Variants in SPATA13 observed in about 807,000 individuals in gnomAD.
SPATA13 encodes spermatogenesis-associated protein 13.
A neutral mutation model predicts 104.0 loss-of-function variants in SPATA13; 50 were observed. The observed-to-expected ratio is 0.48, with a 90% CI of 0.38 to 0.61. SPATA13 has a LOEUF of 0.61. Ranked by LOEUF, SPATA13 falls within the 20% of genes least tolerant of loss-of-function variation. SPATA13 has a pLI of 0.00. For missense variants in SPATA13, 1,524 were observed against 1,690.6 expected (o/e 0.90, Z 1.73); for synonymous variants, 606 against 667.5 (o/e 0.91, Z 1.42).
intron 3 of SPATA13, chr13:24,123,066 A>T: frequency 1.1e-6 from 1 of 951,378 alleles, no homozygotes. Context: ...TGTCATTTCT[A>T]CTGCAATAGG....
chr13:24,084,855 C>T (rs1376729734), intron 3 of SPATA13, among the ~76,000 whole-genome samples: 1 of 151,992 alleles, frequency 6.6e-6, no homozygotes, highest in African/African-American at 2.4e-5. Flanking sequence ...GACCCGGTCT[C>T]TACAAAAATA....
chr13:24,297,653 T>C lies in SPATA13; in HGVS notation c.3501T>C (p.Cys1167=), dbSNP rs764966136. 8 of 1,614,086 alleles carry C rather than the reference T, an allele frequency of 5.0e-6. No homozygotes were observed. In the East Asian group the frequency reaches 1.8e-4, roughly 36 times the overall value. The part of the protein sequence containing the change: ...SRTTDEVYLF[C]AKKQEDKARW... Reference sequence around the variant, plus strand: ...CCACAGACGAGGTTTATTTGTTTTGTGCCAAAAAACAAGAAGACAAGGCGA... The same window carrying C: ...CCACAGACGAGGTTTATTTGTTTTGCGCCAAAAAACAAGAAGACAAGGCGA... The change falls in exon 11 of 13, where the codon TGT becomes TGC. Residue 1167 remains cysteine (C), a synonymous_variant. Coordinates refer to ENST00000382108, the MANE Select transcript of SPATA13 (RefSeq NM_001166271.3).
At chr13:24,270,687 A>G in intron 4 of SPATA13, 1 of 1,458,780 alleles carries the variant, frequency 6.9e-7, no homozygotes, top group South Asian at 1.4e-5. Context: ...GCCAGCTGTC[A>G]GTTTCTGGGC....
At chr13:24,056,002 A>C (rs897568249) in intron 3 of SPATA13, among the ~76,000 whole-genome samples, 2 of 152,234 alleles carry the variant, frequency 1.3e-5, no homozygotes, top group African/African-American at 4.8e-5. Context: ...TCAGTGGTTC[A>C]AGTGACTTGG....
chr13:24,168,925 A>G (rs1374395543), intron 1 of SPATA13, among the ~76,000 whole-genome samples: 1 of 152,244 alleles, frequency 6.6e-6, no homozygotes, highest in Non-Finnish European at 1.5e-5. Flanking sequence ...ATGTTTTACC[A>G]TCTACCAGAC....
intron 8 of SPATA13, 119 bp from the exon 9 acceptor site, chr13:24,290,533 C>G: frequency 1.3e-6 from 1 of 762,898 alleles, no homozygotes; most frequent in Non-Finnish European, 2.3e-6. Flanking sequence ...GTCCTTCTTG[C>G]AGTAGTCCAT....
At chr13:24,263,293 G>T (rs1205741593) in intron 4 of SPATA13, among the ~76,000 whole-genome samples, 1 of 152,324 alleles carries the variant, frequency 6.6e-6, no homozygotes, top group East Asian at 1.9e-4. Flanking sequence ...TGCCTGTTGC[G>T]TGATAGCAGC....
intron 3 of SPATA13, among the ~76,000 whole-genome samples, chr13:24,044,020 G>A (rs984563641): frequency 6.6e-6 from 1 of 152,088 alleles, no homozygotes; most frequent in Non-Finnish European, 1.5e-5. Flanking sequence ...TTTTCACAGG[G>A]TGCTCTGAGC....
rs1174776618 is a variant in SPATA13 at position 24,301,616 on chromosome 13, G to T, written c.3659-982G>T. On this transcript the variant is annotated intron_variant, in intron 12 of 12. Transcript: ENST00000382108. ...GCTACCGGGTGGGACGCTGTGCCTG[G>T]GTTATCTGATTTCTTCCTTCCTGCC... 3.9e-5 allele frequency among the ~76,000 whole-genome samples: 6 copies of T among 152,180 alleles called. No individual in the cohort carries two copies. The East Asian group carries it at 1.2e-3, about 29-fold the overall frequency.
chr13:24,281,377 G>A (rs937267745), intron 4 of SPATA13, among the ~76,000 whole-genome samples: 12 of 152,150 alleles, frequency 7.9e-5, no homozygotes, highest in African/African-American at 2.9e-4. Context: ...AGGGTGACTG[G>A]CACCATGCAC....
chr13:24,092,546 A>G lies in SPATA13; in HGVS notation c.-112+74845A>G, dbSNP rs544876896. Among the ~76,000 whole-genome samples the G allele has an allele frequency of 7.0e-4, 107 of 152,342 alleles. 2 individuals are homozygous for G. In the South Asian group the frequency reaches 0.022, roughly 31 times the overall value. Reference sequence around the variant, plus strand: ...AAACCAATTAAGAGTAAGAGTTTATAAGAAAAACAGTTGAAACCTAAGAGT... The same window carrying G: ...AAACCAATTAAGAGTAAGAGTTTATGAGAAAAACAGTTGAAACCTAAGAGT... On this transcript the variant is annotated intron_variant, in intron 3 of 14. Coordinates refer to the SPATA13 transcript ENST00000424834.
At chr13:24,224,865 T>C (rs1447230468) in intron 2 of SPATA13, 1 of 481,322 alleles carries the variant, frequency 2.1e-6, no homozygotes, top group Non-Finnish European at 3.9e-6. Context: ...TACCAGGTAC[T>C]AGATTCTGGG....
At chr13:24,249,898 C>G in intron 3 of SPATA13, 56 bp downstream of exon 3, 1 of 1,529,228 alleles carries the variant, frequency 6.5e-7, no homozygotes, top group Non-Finnish European at 8.8e-7. Flanking sequence ...CTTCCTGCCT[C>G]TATTCTGTCT....
chr13:24,234,769 C>T (rs1872484368), intron 2 of SPATA13, among the ~76,000 whole-genome samples: 1 of 152,148 alleles, frequency 6.6e-6, no homozygotes, highest in South Asian at 2.1e-4. Flanking sequence ...CTGCTTGCTG[C>T]CCTGCACTGA....
intron 1 of SPATA13, among the ~76,000 whole-genome samples, chr13:24,208,349 A>T (rs1343924535): frequency 4.6e-5 from 7 of 152,222 alleles, no homozygotes; most frequent in Non-Finnish European, 7.3e-5. Flanking sequence ...AGTGGTTCCA[A>T]TTCCAAGTTG....
chr13:24,076,743 A>G (rs1310906394), intron 3 of SPATA13, among the ~76,000 whole-genome samples: 2 of 151,828 alleles, frequency 1.3e-5, no homozygotes, highest in East Asian at 1.9e-4. Flanking sequence ...ACCTAGAGAC[A>G]AAAGAGAGTC....
At chr13:24,281,227 G>T (rs775910444) in intron 4 of SPATA13, among the ~76,000 whole-genome samples, 2 of 152,206 alleles carry the variant, frequency 1.3e-5, no homozygotes, top group Non-Finnish European at 2.9e-5. Context: ...GCTTAGGCCC[G>T]GGAATTTACT....
intron 3 of SPATA13, among the ~76,000 whole-genome samples, chr13:24,124,940 G>A (rs1881160918): frequency 1.3e-5 from 2 of 152,148 alleles, no homozygotes; most frequent in African/African-American, 4.8e-5. Context: ...TCTCATTCAG[G>A]TCAAGGATCA....
chr13:24,008,077 C>T (rs1395211090), intron 2 of SPATA13, among the ~76,000 whole-genome samples: 4 of 152,200 alleles, frequency 2.6e-5, no homozygotes, highest in South Asian at 4.1e-4. Flanking sequence ...GCCGAACCAC[C>T]CAGGTGTGTG....
Sources: gnomAD v4.1 joint callset for allele counts (sites outside exome capture counted in the v4.1 genomes callset) on GRCh38, gnomAD v4.1.1 for gene constraint, MANE v1.5 for transcripts, NCBI Gene and HGNC (gene_info 2026-07-23, HGNC 2026-07-21) for gene names.